KPNB1: variants seen among roughly 807,000 people sequenced by gnomAD.
KPNB1 encodes the protein importin subunit beta-1.
In KPNB1, 7 loss-of-function variants were observed where a neutral mutation model predicts 113.0. The observed-to-expected ratio is 0.06, with a 90% CI of 0.04 to 0.12. The LOEUF (loss-of-function observed/expected upper bound fraction) is 0.12, where lower values mean the gene tolerates loss of function less well. KPNB1 is among the 10% of genes least tolerant of loss of function. KPNB1 has a pLI of 1.00. For missense variants in KPNB1, 400 were observed against 1,054.8 expected (o/e 0.38, Z 8.60); for synonymous variants, 363 against 378.6 (o/e 0.96, Z 0.48).
At chr17:47,675,379 T>TTTTTTTC (rs2030581673) in intron 15 of KPNB1, among the ~76,000 whole-genome samples, 1 of 113,850 alleles carries the variant, frequency 8.8e-6, no homozygotes, top group Non-Finnish European at 1.8e-5. Context: ...TTTGTTTTTT[T>TTTTTTTC]TTTTTGTTTG....
At position 47,684,428 on chromosome 17, in the gene KPNB1, TAAG is replaced by T. The variant is rs1413671534; in HGVS notation, c.*2029_*2031del. The stretch of plus-strand genomic sequence containing the variant: ...GCTCATACCAGCTCCTAAGCCCTAT[TAAG>T]AAGAGGCCTGGTCCTCTAATGCCTT... On this transcript the variant is annotated 3_prime_UTR_variant, in exon 22 of 22. Transcript: ENST00000290158. 14 of 152,142 alleles carry T rather than the reference TAAG, an allele frequency of 9.2e-5. No individual in the cohort carries two copies. Among genetic ancestry groups the T allele is most frequent in the African/African-American group, 3.1e-4 (13 of 41,426 alleles). 9.4% of individuals were successfully genotyped at this position (152,142 alleles called of 1,614,324 possible).
intron 3 of KPNB1, among the ~76,000 whole-genome samples, chr17:47,656,643 G>C (rs2143098801): frequency 6.6e-6 from 1 of 151,856 alleles, no homozygotes; most frequent in South Asian, 2.1e-4. Context: ...AGTTACTCAG[G>C]AGCCTGAGGC....
At chr17:47,656,432 A>G (rs1200642240) in intron 3 of KPNB1, among the ~76,000 whole-genome samples, 1 of 152,148 alleles carries the variant, frequency 6.6e-6, no homozygotes, top group Non-Finnish European at 1.5e-5. Context: ...CCTGTAGTCT[A>G]AGCTACTCAG....
At chr17:47,655,220 C>T (rs1417133716) in intron 3 of KPNB1, among the ~76,000 whole-genome samples, 2 of 152,216 alleles carry the variant, frequency 1.3e-5, no homozygotes, top group Non-Finnish European at 2.9e-5. Context: ...ACTGAATTAG[C>T]TGATCACGGT....
rs1192401890 is a variant in KPNB1 at position 47,676,460 on chromosome 17, G to T, written c.1964G>T (p.Gly655Val). 6.2e-7 allele frequency: 1 copy of T among 1,613,342 alleles called. No individual in the cohort carries two copies. Among genetic ancestry groups the T allele is most frequent in the Non-Finnish European group, 8.5e-7 (1 of 1,179,450 alleles). ...KYMEAFKPFLGIGLKNYAEYQ... is the reference protein window; with the variant it reads ...KYMEAFKPFLVIGLKNYAEYQ... ...ATGGAGGCCTTTAAACCCTTCCTGG[G>T]CATTGGATTAAAAAATTATGCTGAA... Residue 655 changes from glycine (G) to valine (V), a missense_variant, in exon 16 of 22, where the codon GGC (glycine) becomes GTC (valine). Gly to Val is a moderately radical substitution (Grantham distance 109). This residue lies in a region of KPNB1 where 115 missense variants were observed against 427.9 expected (regional missense o/e 0.27). Transcript: ENST00000290158.
rs1217791737 is a variant in KPNB1, at chr17:47,683,148, G to GGTTTT, written c.*755_*759dup. ...ACACACAGAGGAAAGACGCTCTTTA[G>GGTTTT]GTTTTGTTTTGTTTTTTTTTTTTGG... On this transcript the variant is annotated 3_prime_UTR_variant, in exon 22 of 22. Coordinates refer to ENST00000290158, the MANE Select transcript of KPNB1 (RefSeq NM_002265.6). 7.2e-6 allele frequency: 1 copy of GGTTTT among 139,438 alleles called. No individual in the cohort carries two copies. The highest frequency in any genetic ancestry group is 1.5e-5 in the Non-Finnish European group (1 of 65,230). 8.6% of individuals were successfully genotyped at this position (139,438 alleles called of 1,614,324 possible).
At chr17:47,658,405 C>T (rs1022261731) in intron 4 of KPNB1, 103 bp from the exon 5 acceptor site, 4 of 1,277,540 alleles carry the variant, frequency 3.1e-6, no homozygotes, top group African/African-American at 3.0e-5. Context: ...CATTTTTTTT[C>T]CTCTAAATAT....
intron 10 of KPNB1, among the ~76,000 whole-genome samples, chr17:47,669,236 G>GT (rs1347721906): frequency 1.3e-5 from 2 of 152,266 alleles, no homozygotes; most frequent in South Asian, 2.1e-4. Context: ...AGCCCCCTGA[G>GT]TAGGTGGGAC....
intron 2 of KPNB1, 103 bp downstream of exon 2, chr17:47,650,547 C>A: frequency 1.1e-6 from 1 of 876,148 alleles, no homozygotes; most frequent in African/African-American, 1.7e-5. Context: ...CTACCCCGCC[C>A]CATCCCGTCC....
At chr17:47,680,790 T>C (rs1398488294) in intron 21 of KPNB1, 121 bp downstream of exon 21, 6 of 981,466 alleles carry the variant, frequency 6.1e-6, no homozygotes, top group Non-Finnish European at 8.9e-6. Context: ...CTTTTTCCCA[T>C]GTAGGTGCTT....
At chr17:47,676,308 G>A in intron 15 of KPNB1, 101 bp from the exon 16 acceptor site, 1 of 832,310 alleles carries the variant, frequency 1.2e-6, no homozygotes, top group East Asian at 2.5e-5. Context: ...AACCTGTTGA[G>A]TGGAGCGAGT....
chr17:47,655,515 T>G (rs1915693762), intron 3 of KPNB1, among the ~76,000 whole-genome samples: 1 of 152,224 alleles, frequency 6.6e-6, no homozygotes, highest in African/African-American at 2.4e-5. Flanking sequence ...ATGTTGTTAC[T>G]TGACCAAGGC....
chr17:47,674,627 T>G lies in KPNB1; in HGVS notation c.1768-11T>G, dbSNP rs764723190. 3 of 1,611,362 alleles carry G rather than the reference T, an allele frequency of 1.9e-6. No individual in the cohort carries two copies. The African/African-American group carries it at 4.0e-5, about 22-fold the overall frequency. ...GAATCAACTGATCTTGAACTCTTAC[T>G]CATTTCACAGAATGTTCTTCGGAAA... On this transcript the variant is annotated splice_polypyrimidine_tract_variant and intron_variant, in intron 14 of 21. Transcript: ENST00000290158.
chr17:47,676,908 GGGATTT>G, intron 16 of KPNB1, 106 bp from the exon 17 acceptor site: 1 of 741,676 alleles, frequency 1.3e-6, no homozygotes, highest in South Asian at 1.8e-5. Context: ...TCTCGGCAGA[GGGATTT>G]AACTCTAGGT....
In KPNB1 at chr17:47,661,197, G is replaced by GA. The variant is rs780271584; in HGVS notation, c.696+24dup. 1 of 1,587,704 alleles carries GA rather than the reference G, an allele frequency of 6.3e-7. No individual in the cohort carries two copies. On this transcript the variant is annotated intron_variant, in intron 6 of 21. Transcript: ENST00000290158. ...TACGAGGGTAAGTGTGAGGTTATAT[G>GA]AAAAATCTGTCTTACATCTTTCTTA...
intron 3 of KPNB1, among the ~76,000 whole-genome samples, chr17:47,654,897 T>A (rs1430715061): frequency 6.6e-6 from 1 of 152,172 alleles, no homozygotes; most frequent in African/African-American, 2.4e-5. Context: ...TTCCCTCGTG[T>A]CTTTGACATA....
chr17:47,676,969 C>A, intron 16 of KPNB1, 51 bp from the exon 17 acceptor site: 1 of 1,403,978 alleles, frequency 7.1e-7, no homozygotes, highest in Admixed American at 1.7e-5. Flanking sequence ...AATATCTTGC[C>A]CCAGCAGGCA....
At chr17:47,651,280 G>T (rs948159823) in intron 2 of KPNB1, 2 of 985,108 alleles carry the variant, frequency 2.0e-6, no homozygotes, top group African/African-American at 3.5e-5. Context: ...GGTTGAAACA[G>T]CCTAGATGCC....
In KPNB1 at chr17:47,675,358, G is replaced by GTTTTTTTT. The variant is rs1555619221; in HGVS notation, c.1912+578_1912+579insTTTTTTTT. The stretch of plus-strand genomic sequence containing the variant: ...GTTTGCAACGGAGATTGGCAGAGGT[G>GTTTTTTTT]TTGTTTTTTTTTTGTTTTTTTTTTT... On this transcript the variant is annotated intron_variant, in intron 15 of 21. Transcript: ENST00000290158. 2.0e-4 allele frequency among the ~76,000 whole-genome samples: 18 copies of GTTTTTTTT among 88,860 alleles called. 1 individual carries two copies. Among genetic ancestry groups the GTTTTTTTT allele is most frequent in the African/African-American group, 3.4e-4 (8 of 23,310 alleles). The allele number at this position is 88,860 out of a possible 152,430, so 58.3% of individuals were successfully genotyped here.
Sources: allele counts gnomAD v4.1 joint callset (sites outside exome capture counted in the v4.1 genomes callset), GRCh38; gene constraint gnomAD v4.1.1; regional missense constraint gnomAD v4.1.1; transcripts MANE v1.5; gene names NCBI Gene and HGNC (gene_info 2026-07-23, HGNC 2026-07-21).